MYO3B: variants seen among roughly 807,000 people sequenced by gnomAD.
The protein encoded by MYO3B is myosin-IIIb.
In MYO3B, 156 loss-of-function variants were observed where a neutral mutation model predicts 174.6. The ratio of observed to expected loss-of-function variants is 0.89; its 90% CI spans 0.78 to 1.02. The LOEUF is 1.02. Among genes scored for constraint, MYO3B ranks in the 50% least tolerant of loss-of-function variants. MYO3B has a pLI of 0.00. For synonymous variants in MYO3B, 563 were observed against 569.1 expected, an observed-to-expected ratio of 0.99 and a Z score of 0.15; for missense variants, 1,632 against 1,639.4, an observed-to-expected ratio of 1.00 and a Z score of 0.08.
chr2:170,398,349 C>T (rs1365597522), intron 16 of MYO3B, among the ~76,000 whole-genome samples: 1 of 152,118 alleles, frequency 6.6e-6, no homozygotes, highest in Non-Finnish European at 1.5e-5. Flanking sequence ...CACCACTCTC[C>T]CAGCACCCAT....
At chr2:170,432,924 T>C (rs2094723124) in intron 22 of MYO3B, among the ~76,000 whole-genome samples, 1 of 152,174 alleles carries the variant, frequency 6.6e-6, no homozygotes, top group African/African-American at 2.4e-5. Flanking sequence ...TGTGCAGTAT[T>C]TATAAAGTCT....
At chr2:170,205,754 T>G (rs968246659) in intron 3 of MYO3B, among the ~76,000 whole-genome samples, 2 of 152,130 alleles carry the variant, frequency 1.3e-5, no homozygotes, top group Admixed American at 1.3e-4. Flanking sequence ...CAGCTCCTAG[T>G]GTTGTCTTCT....
intron 25 of MYO3B, among the ~76,000 whole-genome samples, chr2:170,484,338 T>C (rs2106022069): frequency 6.6e-6 from 1 of 152,316 alleles, no homozygotes; most frequent in Admixed American, 6.5e-5. Context: ...TTGAGGTGGT[T>C]GAACACATCT....
intron 7 of MYO3B, among the ~76,000 whole-genome samples, chr2:170,275,435 C>G (rs2093457811): frequency 6.6e-6 from 1 of 152,160 alleles, no homozygotes; most frequent in East Asian, 1.9e-4. Flanking sequence ...GGAACTTGAT[C>G]TAATGGAATT....
intron 28 of MYO3B, among the ~76,000 whole-genome samples, chr2:170,502,238 A>G (rs547823772): frequency 5.3e-5 from 8 of 152,118 alleles, no homozygotes; most frequent in Non-Finnish European, 1.2e-4. Context: ...GCATACTGCC[A>G]CCTGAACAAA....
intron 7 of MYO3B, among the ~76,000 whole-genome samples, chr2:170,309,301 T>C (rs2093721946): frequency 6.6e-6 from 1 of 152,188 alleles, no homozygotes; most frequent in Non-Finnish European, 1.5e-5. Context: ...TGCTTGCAAA[T>C]AGTCAAAACT....
At position 170,443,978 on chromosome 2, in the gene MYO3B, C is replaced by T. The variant is rs1484522744; in HGVS notation, c.2662C>T (p.Gln888Ter). 1 of 1,610,000 alleles carries T rather than the reference C, an allele frequency of 6.2e-7. No homozygotes were observed. The highest frequency in any genetic ancestry group is 1.7e-5 in the Admixed American group (1 of 59,972). ...GGTCTCTTTCTCAGGTAATTTGGCC[C>T]AGACAAGAGCTAGGATAACAGTGGC... ...IPLTKTGNLAQTRARITVASS... is the reference protein window; with the variant it reads ...IPLTKTGNLA Residue 888 changes from glutamine (Q) to a stop codon, truncating the protein, a stop_gained, in exon 23 of 35, where the codon CAG (glutamine) becomes TAG (stop). Transcript: ENST00000408978. LOFTEE classifies it high-confidence loss of function.
At chr2:170,444,382 C>T (rs1039141236) in intron 23 of MYO3B, among the ~76,000 whole-genome samples, 11 of 152,328 alleles carry the variant, frequency 7.2e-5, no homozygotes, top group African/African-American at 2.6e-4. Context: ...TATTGCTCTC[C>T]TTTGCCCTCT....
chr2:170,651,821 G>GGGGGGGGCCCCCCCCC, intron 33 of MYO3B, 87 bp downstream of exon 33: 1 of 1,089,324 alleles, frequency 9.2e-7, no homozygotes, highest in Non-Finnish European at 1.4e-6. Context: ...AGCCCCTGCA[G>GGGGGGGGCCCCCCCCC]CCCCACCCCC....
chr2:170,484,492 G>A (rs900185472), intron 25 of MYO3B, among the ~76,000 whole-genome samples: 1 of 152,142 alleles, frequency 6.6e-6, no homozygotes, highest in African/African-American at 2.4e-5. Context: ...CCAATTCCCA[G>A]TGTCATTGTG....
chr2:170,450,954 ACTTC>A (rs1683564845), intron 23 of MYO3B, among the ~76,000 whole-genome samples: 1 of 152,202 alleles, frequency 6.6e-6, no homozygotes. Context: ...TTCTCACAGA[ACTTC>A]CTTTATCAGA....
chr2:170,457,294 TA>T (rs1264597472), intron 23 of MYO3B, among the ~76,000 whole-genome samples: 1 of 152,248 alleles, frequency 6.6e-6, no homozygotes, highest in Non-Finnish European at 1.5e-5. Context: ...TAGTTTACTT[TA>T]ACTTTTTTTT....
chr2:170,614,712 T>C (rs904868216), intron 32 of MYO3B, among the ~76,000 whole-genome samples: 2 of 152,210 alleles, frequency 1.3e-5, no homozygotes, highest in African/African-American at 4.8e-5. Context: ...CCAGCATCTA[T>C]AGCATAAGGC....
At chr2:170,378,219 T>C (rs1399587328) in intron 9 of MYO3B, among the ~76,000 whole-genome samples, 5 of 152,206 alleles carry the variant, frequency 3.3e-5, no homozygotes, top group Admixed American at 2.6e-4. Context: ...AATAATGCTT[T>C]TTCTCTACGA....
intron 32 of MYO3B, among the ~76,000 whole-genome samples, chr2:170,588,232 A>G (rs1051158033): frequency 2.0e-5 from 3 of 152,010 alleles, no homozygotes; most frequent in African/African-American, 7.2e-5. Context: ...AAGAACTTCA[A>G]GACAGCCTGG....
chr2:170,572,350 C>T (rs2106280856), intron 32 of MYO3B, among the ~76,000 whole-genome samples: 1 of 151,886 alleles, frequency 6.6e-6, no homozygotes, highest in East Asian at 1.9e-4. Flanking sequence ...ATTGCTTGAA[C>T]CTGGGAGGCG....
intron 32 of MYO3B, chr2:170,601,897 G>A (rs1197175740): frequency 2.4e-6 from 2 of 841,622 alleles, no homozygotes; most frequent in African/African-American, 1.7e-5. Context: ...TTTGATTTTT[G>A]GGCAATACTC....
chr2:170,436,440 AG>A (rs1369233811), intron 22 of MYO3B, among the ~76,000 whole-genome samples: 2 of 152,198 alleles, frequency 1.3e-5, no homozygotes, highest in African/African-American at 4.8e-5. Context: ...CTCATTATAA[AG>A]CTCCTGCCAC....
At chr2:170,255,591 A>T (rs2093297876) in intron 7 of MYO3B, among the ~76,000 whole-genome samples, 1 of 152,148 alleles carries the variant, frequency 6.6e-6, no homozygotes, top group Non-Finnish European at 1.5e-5. Flanking sequence ...AACGAAGCCA[A>T]TTGACTGTAT....
Sources: gnomAD v4.1 joint callset for allele counts (sites outside exome capture counted in the v4.1 genomes callset) on GRCh38, gnomAD v4.1.1 for gene constraint, MANE v1.5 for transcripts, NCBI Gene and HGNC (gene_info 2026-07-23, HGNC 2026-07-21) for gene names.